Variants in OR5K1 observed in about 807,000 individuals in gnomAD.
OR5K1 encodes the protein olfactory receptor 5K1.
Under a neutral mutation model 10.4 loss-of-function variants are expected in OR5K1, and 7 were observed. That is an observed-to-expected ratio of 0.67 (90% CI 0.38 to 1.26). The LOEUF (loss-of-function observed/expected upper bound fraction) is 1.26, where lower values mean the gene tolerates loss of function less well. Ranked by LOEUF, OR5K1 falls within the 50% of genes most tolerant of loss-of-function variation. The pLI, the probability that OR5K1 is intolerant of heterozygous loss-of-function variation, is 0.02. For missense variants in OR5K1, 435 were observed against 366.2 expected, an observed-to-expected ratio of 1.19 and a Z score of -1.53; for synonymous variants, 135 against 128.5, an observed-to-expected ratio of 1.05 and a Z score of -0.34.
At position 98,472,272 on chromosome 3, in the gene OR5K1, G is replaced by A. The variant is rs1352864840; in HGVS notation, c.*1769G>A. ...TCTTACTCTTCATCTGCTAATTTCT[G>A]AGTAAATTCTCTTGACCTCTTCCCA... On this transcript the variant is annotated 3_prime_UTR_variant, in exon 2 of 2. Coordinates refer to ENST00000642057, the MANE Select transcript of OR5K1 (RefSeq NM_001004736.4). 1 of 151,840 alleles carries A rather than the reference G, an allele frequency of 6.6e-6. No individual in the cohort carries two copies. The highest frequency in any genetic ancestry group is 1.5e-5 in the Non-Finnish European group (1 of 67,926). The allele number at this position is 151,840 out of a possible 1,614,324, so 9.4% of individuals were successfully genotyped here.
At chr3:98,468,083 G>C (rs939702270) in intron 1 of OR5K1, among the ~76,000 whole-genome samples, 1 of 152,044 alleles carries the variant, frequency 6.6e-6, no homozygotes, top group African/African-American at 2.4e-5. Context: ...TGCATAAATT[G>C]TATTATAAAT....
chr3:98,465,357 T>C (rs957638149), intron 1 of OR5K1, among the ~76,000 whole-genome samples: 4 of 152,196 alleles, frequency 2.6e-5, no homozygotes, highest in African/African-American at 4.8e-5. Context: ...CACATTTATT[T>C]CATCATAACT....
chr3:98,463,523 A>G (rs1391791990), intron 1 of OR5K1, among the ~76,000 whole-genome samples: 1 of 152,186 alleles, frequency 6.6e-6, no homozygotes, highest in Admixed American at 6.5e-5. Context: ...GTCTAAATTT[A>G]TATCAAGAGA....
At position 98,470,161 on chromosome 3, in the gene OR5K1, T is replaced by A. The variant is rs200722005; in HGVS notation, c.585T>A (p.Asn195Lys). Reference sequence around the variant, plus strand: ...TCTCTTGTGTTGATCCTTATATCAATGAACTGGTTCTATTCATCTTCTCAG... The same window carrying A: ...TCTCTTGTGTTGATCCTTATATCAAAGAACTGGTTCTATTCATCTTCTCAG... Reference protein sequence around the residue: ...YRLSCVDPYINELVLFIFSGS... With the variant: ...YRLSCVDPYIKELVLFIFSGS... The change falls in exon 2 of 2, where the codon AAT (asparagine) becomes AAA (lysine). Residue 195 changes from asparagine to lysine, a missense_variant. Physicochemically the swap from Asn to Lys is moderately conservative, Grantham distance 94 (BLOSUM62 0). Transcript: ENST00000642057. 40 of 1,613,360 alleles carry A rather than the reference T, an allele frequency of 2.5e-5. No individual in the cohort carries two copies. Among genetic ancestry groups the A allele is most frequent in the Non-Finnish European group, 3.1e-5 (37 of 1,179,604 alleles).
Position 98,472,084 on chromosome 3 carries a change from G to C in OR5K1, c.*1581G>C, listed in dbSNP as rs573879002. ...TATATATGAGCTCTGTCCAAGCTATGATTCTGTGAGATGTTTGAGCCTATT... is the reference window on the plus strand; with the variant it reads ...TATATATGAGCTCTGTCCAAGCTATCATTCTGTGAGATGTTTGAGCCTATT... On this transcript the variant is annotated 3_prime_UTR_variant, in exon 2 of 2. Transcript: ENST00000642057. 1 of 152,130 alleles carries C rather than the reference G, an allele frequency of 6.6e-6. No homozygotes were observed. Among genetic ancestry groups the C allele is most frequent in the South Asian group, 2.1e-4 (1 of 4,826 alleles). The allele number at this position is 152,130 out of a possible 1,614,324, so 9.4% of individuals were successfully genotyped here.
chr3:98,471,211 A>C lies in OR5K1; in HGVS notation c.*708A>C, dbSNP rs1705443180. ...TACCTGCATAAATATACCATAACACAAACTTCCAGAAAAGCAGTTCAAACC... is the reference window on the plus strand; with the variant it reads ...TACCTGCATAAATATACCATAACACCAACTTCCAGAAAAGCAGTTCAAACC... On this transcript the variant is annotated 3_prime_UTR_variant, in exon 2 of 2. Transcript: ENST00000642057. 6.6e-6 allele frequency: 1 copy of C among 152,000 alleles called. No individual in the cohort carries two copies. The highest frequency in any genetic ancestry group is 1.5e-5 in the Non-Finnish European group (1 of 67,968). 9.4% of individuals were successfully genotyped at this position (152,000 alleles called of 1,614,324 possible).
At chr3:98,465,095 T>C (rs1705355299) in intron 1 of OR5K1, among the ~76,000 whole-genome samples, 1 of 152,130 alleles carries the variant, frequency 6.6e-6, no homozygotes, top group Admixed American at 6.6e-5. Flanking sequence ...TGGAGGAAAA[T>C]ATAAAGCCGA....
chr3:98,470,606 A>C lies in OR5K1; in HGVS notation c.*103A>C, dbSNP rs1462129796. The C allele has an allele frequency of 6.2e-6, 4 of 647,488 alleles. No homozygotes were observed. The highest frequency in any genetic ancestry group is 1.0e-5 in the Non-Finnish European group (4 of 388,874). 40.1% of individuals were successfully genotyped at this position (647,488 alleles called of 1,614,324 possible). On this transcript the variant is annotated 3_prime_UTR_variant, in exon 2 of 2. Coordinates refer to ENST00000642057, the MANE Select transcript of OR5K1 (RefSeq NM_001004736.4). ...ACACAGGGGAAATGCATAAATTATA[A>C]GTAAAATTTTAATATATAAGAATAC...
chr3:98,463,635 G>A (rs1705337521), intron 1 of OR5K1, among the ~76,000 whole-genome samples: 1 of 150,654 alleles, frequency 6.6e-6, no homozygotes, highest in African/African-American at 2.4e-5. Flanking sequence ...TTGATGAAAT[G>A]AATTATTAAC....
At position 98,469,812 on chromosome 3, in the gene OR5K1, C is replaced by T. The variant is rs748586239; in HGVS notation, c.236C>T (p.Pro79Leu). ...VDSCCACAITPKMLENFFSEN... is the reference protein window; with the variant it reads ...VDSCCACAITLKMLENFFSEN... ...TCTTGCTGTGCCTGTGCTATTACCC[C>T]CAAAATGTTAGAGAACTTCTTTTCT... The change falls in exon 2 of 2, where the codon CCC becomes CTC. Residue 79 changes from proline to leucine, a missense_variant. By Grantham distance (98) the Pro-to-Leu change is moderately conservative (BLOSUM62 -3). Coordinates refer to ENST00000642057, the MANE Select transcript of OR5K1 (RefSeq NM_001004736.4). 2 of 1,613,730 alleles carry T rather than the reference C, an allele frequency of 1.2e-6. No homozygotes were observed. The highest frequency in any genetic ancestry group is 2.2e-5 in the East Asian group (1 of 44,872).
chr3:98,469,096 G>T (rs1478278058), intron 1 of OR5K1, among the ~76,000 whole-genome samples: 2 of 152,058 alleles, frequency 1.3e-5, no homozygotes, highest in Non-Finnish European at 2.9e-5. Context: ...GGAATACTAT[G>T]CAGCCATAAG....
chr3:98,470,600 A>C lies in OR5K1; in HGVS notation c.*97A>C. On this transcript the variant is annotated 3_prime_UTR_variant, in exon 2 of 2. Coordinates refer to ENST00000642057, the MANE Select transcript of OR5K1 (RefSeq NM_001004736.4). ...GAAATTACACAGGGGAAATGCATAA[A>C]TTATAAGTAAAATTTTAATATATAA... The C allele has an allele frequency of 1.5e-6, 1 of 659,920 alleles. No homozygotes were observed. Among genetic ancestry groups the C allele is most frequent in the Non-Finnish European group, 2.5e-6 (1 of 399,132 alleles). The allele number at this position is 659,920 out of a possible 1,614,324, so 40.9% of individuals were successfully genotyped here. A position where few individuals can be genotyped will look rare whatever the true frequency, so the allele number is the denominator to read the frequency against.
chr3:98,467,951 G>A (rs977343293), intron 1 of OR5K1, among the ~76,000 whole-genome samples: 1 of 151,770 alleles, frequency 6.6e-6, no homozygotes, highest in African/African-American at 2.4e-5. Flanking sequence ...AATAGGAGCG[G>A]TGAGAGAGGG....
chr3:98,468,136 C>T (rs910146689), intron 1 of OR5K1, among the ~76,000 whole-genome samples: 3 of 151,930 alleles, frequency 2.0e-5, no homozygotes, highest in Non-Finnish European at 4.4e-5. Context: ...CTCATTTCCC[C>T]TAATCTCTCT....
chr3:98,468,182 C>T (rs1285004710), intron 1 of OR5K1, among the ~76,000 whole-genome samples: 4 of 152,002 alleles, frequency 2.6e-5, no homozygotes, highest in Non-Finnish European at 5.9e-5. Context: ...TCCTTTTCCT[C>T]CCCACCCCAG....
chr3:98,466,956 G>A (rs1197497535), intron 1 of OR5K1, among the ~76,000 whole-genome samples: 4 of 118,926 alleles, frequency 3.4e-5, no homozygotes, highest in South Asian at 6.0e-4. Flanking sequence ...TTGGTGTTTT[G>A]GACATGAAGT....
At chr3:98,463,911 A>T (rs1057287121) in intron 1 of OR5K1, among the ~76,000 whole-genome samples, 3 of 152,184 alleles carry the variant, frequency 2.0e-5, no homozygotes, top group Non-Finnish European at 4.4e-5. Flanking sequence ...TTAATGAAAA[A>T]GTTATTCAAA....
At position 98,469,609 on chromosome 3, in the gene OR5K1, G is replaced by A; in HGVS notation, c.33G>A (p.Glu11=). 1 of 1,611,168 alleles carries A rather than the reference G, an allele frequency of 6.2e-7. No individual in the cohort carries two copies. The highest frequency in any genetic ancestry group is 8.5e-7 in the Non-Finnish European group (1 of 1,178,450). Residue 11 remains glutamate (E), a synonymous_variant, in exon 2 of 2, where the codon GAG becomes GAA. Coordinates refer to ENST00000642057, the MANE Select transcript of OR5K1 (RefSeq NM_001004736.4). ...AAGAAAATCATACCATGAAAAATGAGTTTATCCTCACAGGATTTACAGATC... is the reference window on the plus strand; with the variant it reads ...AAGAAAATCATACCATGAAAAATGAATTTATCCTCACAGGATTTACAGATC... MAEENHTMKN[E]FILTGFTDHP... is the part of the protein sequence containing the mutation.
At position 98,469,923 on chromosome 3, in the gene OR5K1, C is replaced by A; in HGVS notation, c.347C>A (p.Ala116Glu). The A allele has an allele frequency of 6.2e-7, 1 of 1,613,720 alleles. No homozygotes were observed. Among genetic ancestry groups the A allele is most frequent in the South Asian group, 1.1e-5 (1 of 91,082 alleles). ...TVETADCFLL[A>E]AMAYDRYVAI... The stretch of plus-strand genomic sequence containing the variant: ...GAAACTGCAGACTGCTTTCTTCTGG[C>A]AGCAATGGCCTATGACCGCTATGTG... The change falls in exon 2 of 2, where the codon GCA becomes GAA. Residue 116 changes from alanine to glutamate, a missense_variant. Physicochemically the swap from Ala to Glu is moderately radical, Grantham distance 107. Transcript: ENST00000642057.
Sources: gnomAD v4.1 joint callset for allele counts (sites outside exome capture counted in the v4.1 genomes callset) on GRCh38, gnomAD v4.1.1 for gene constraint, MANE v1.5 for transcripts, NCBI Gene and HGNC (gene_info 2026-07-23, HGNC 2026-07-21) for gene names.